SYN3: variants seen among roughly 807,000 people sequenced by gnomAD.
SYN3 encodes synapsin III.
A neutral mutation model predicts 65.8 loss-of-function variants in SYN3; 35 were observed. The ratio of observed to expected loss-of-function variants is 0.53; its 90% confidence interval spans 0.41 to 0.70. The LOEUF (loss-of-function observed/expected upper bound fraction) is 0.70, where lower values mean the gene tolerates loss of function less well. Among genes scored for constraint, SYN3 ranks in the 30% least tolerant of loss-of-function variants. The probability of loss-of-function intolerance (pLI) is 0.00; values close to 1 mark genes in which losing one functional copy is unlikely to be tolerated. For missense variants in SYN3, 680 were observed against 749.0 expected, an observed-to-expected ratio of 0.91 and a Z score of 1.08; for synonymous variants, 270 against 292.9, an observed-to-expected ratio of 0.92 and a Z score of 0.80.
At chr22:32,604,146 C>T (rs182269170) in intron 6 of SYN3, among the ~76,000 whole-genome samples, 1 of 152,314 alleles carries the variant, frequency 6.6e-6, no homozygotes, top group Admixed American at 6.5e-5. Context: ...GGCAACTCCT[C>T]CTATGTTCTT....
intron 6 of SYN3, among the ~76,000 whole-genome samples, chr22:32,737,089 G>A (rs1416068388): frequency 6.6e-6 from 1 of 152,170 alleles, no homozygotes; most frequent in Non-Finnish European, 1.5e-5. Flanking sequence ...GTTCAGTGAC[G>A]GTGTAGACCC....
chr22:33,006,805 T>G lies in SYN3; in HGVS notation c.-143A>C. The G allele has an allele frequency of 1.4e-6, 1 of 710,214 alleles. No individual in the cohort carries two copies. The highest frequency in any genetic ancestry group is 2.3e-6 in the Non-Finnish European group (1 of 443,806). The allele number at this position is 710,214 out of a possible 1,614,324, so 44.0% of individuals were successfully genotyped here. A position where few individuals can be genotyped will look rare whatever the true frequency, so the allele number is the denominator to read the frequency against. On this transcript the variant is annotated 5_prime_UTR_variant, in exon 2 of 14. Transcript: ENST00000358763. ...ATTTTGCGCAACCAGCAGTCAGCTT[T>G]AGCTGCCTTTATTTACCTGCTGGAA...
At chr22:32,829,855 C>A (rs1336749821) in intron 6 of SYN3, among the ~76,000 whole-genome samples, 1 of 152,246 alleles carries the variant, frequency 6.6e-6, no homozygotes, top group Admixed American at 6.5e-5. Context: ...AACTACACCC[C>A]ACCCTTGGGT....
intron 4 of SYN3, among the ~76,000 whole-genome samples, chr22:32,895,217 T>G (rs538087022): frequency 2.6e-5 from 4 of 152,298 alleles, no homozygotes; most frequent in South Asian, 4.1e-4. Flanking sequence ...TTAATAATTT[T>G]TATTAGCAGG....
At chr22:32,655,855 C>T (rs1307375034) in intron 6 of SYN3, among the ~76,000 whole-genome samples, 2 of 152,176 alleles carry the variant, frequency 1.3e-5, no homozygotes, top group Non-Finnish European at 2.9e-5. Context: ...AACCATCCCT[C>T]CCCATCCCTG....
chr22:32,794,195 T>A (rs769550649), intron 6 of SYN3, among the ~76,000 whole-genome samples: 9 of 152,350 alleles, frequency 5.9e-5, no homozygotes, highest in Admixed American at 2.0e-4. Context: ...ACCCTTCCTA[T>A]GATGCCCTCA....
intron 6 of SYN3, among the ~76,000 whole-genome samples, chr22:32,622,976 G>T (rs573386703): frequency 2.0e-5 from 3 of 152,104 alleles, no homozygotes; most frequent in Admixed American, 6.5e-5. Flanking sequence ...GTAGTTTAGG[G>T]GAGGGAGGGG....
intron 1 of SYN3, among the ~76,000 whole-genome samples, chr22:33,034,678 A>G (rs2053820434): frequency 6.6e-6 from 1 of 152,200 alleles, no homozygotes; most frequent in South Asian, 2.1e-4. Context: ...TACAAGCACC[A>G]TATCATCATT....
At chr22:32,999,412 C>T (rs2052991402) in intron 2 of SYN3, among the ~76,000 whole-genome samples, 2 of 152,134 alleles carry the variant, frequency 1.3e-5, no homozygotes, top group South Asian at 2.1e-4. Context: ...GGGCCAGTCA[C>T]GGTGGCTCAC....
chr22:32,802,220 CAGGAG>C, intron 6 of SYN3: 1 of 1,482,406 alleles, frequency 6.7e-7, no homozygotes, highest in Non-Finnish European at 9.0e-7. Flanking sequence ...TCCTCTGCCC[CAGGAG>C]AGGGGCAGAC....
At chr22:32,850,753 A>C (rs1287878343) in intron 6 of SYN3, among the ~76,000 whole-genome samples, 1 of 152,068 alleles carries the variant, frequency 6.6e-6, no homozygotes, top group Non-Finnish European at 1.5e-5. Flanking sequence ...TGCAAAAGTG[A>C]CTTGGTGAAT....
intron 6 of SYN3, among the ~76,000 whole-genome samples, chr22:32,695,217 T>A (rs1283373642): frequency 2.0e-5 from 3 of 152,234 alleles, no homozygotes; most frequent in Non-Finnish European, 4.4e-5. Context: ...TATTTCATTG[T>A]TTTTATTATT....
At chr22:32,548,237 C>A (rs1045823921) in intron 7 of SYN3, among the ~76,000 whole-genome samples, 2 of 152,160 alleles carry the variant, frequency 1.3e-5, no homozygotes, top group Non-Finnish European at 2.9e-5. Context: ...CTGTTCCGAG[C>A]CTGCATGGGG....
At chr22:32,979,303 A>T (rs1280737409) in intron 3 of SYN3, among the ~76,000 whole-genome samples, 2 of 152,194 alleles carry the variant, frequency 1.3e-5, no homozygotes, top group Non-Finnish European at 2.9e-5. Context: ...CGTTCTCCAC[A>T]TATTAGCTAG....
At chr22:32,796,685 T>C (rs550903620) in intron 6 of SYN3, among the ~76,000 whole-genome samples, 2 of 152,202 alleles carry the variant, frequency 1.3e-5, no homozygotes, top group Admixed American at 1.3e-4. Context: ...ATAATGACTT[T>C]CACATGGACG....
At chr22:32,557,576 G>A (rs915990335) in intron 7 of SYN3, among the ~76,000 whole-genome samples, 4 of 152,170 alleles carry the variant, frequency 2.6e-5, no homozygotes, top group Admixed American at 6.5e-5. Flanking sequence ...TGGCCATGAC[G>A]TATCCAGACA....
chr22:32,965,594 G>GT (rs2051809741), intron 3 of SYN3, among the ~76,000 whole-genome samples: 1 of 151,892 alleles, frequency 6.6e-6, no homozygotes, highest in African/African-American at 2.4e-5. Flanking sequence ...GTGTGTGTGC[G>GT]TAAGAGAGAG....
intron 6 of SYN3, among the ~76,000 whole-genome samples, chr22:32,676,985 T>C (rs930986789): frequency 1.1e-4 from 16 of 152,320 alleles, no homozygotes; most frequent in Admixed American, 8.5e-4. Context: ...GCTCAGAGGC[T>C]GGTGACAGAA....
intron 4 of SYN3, among the ~76,000 whole-genome samples, chr22:32,924,878 G>T (rs1168496990): frequency 1.3e-5 from 2 of 152,160 alleles, no homozygotes; most frequent in Non-Finnish European, 2.9e-5. Context: ...GATCGCTTGA[G>T]CTCAGGAGTT....
Sources: gnomAD v4.1 joint callset for allele counts (sites outside exome capture counted in the v4.1 genomes callset) on GRCh38, gnomAD v4.1.1 for gene constraint, MANE v1.5 for transcripts, NCBI Gene and HGNC (gene_info 2026-07-23, HGNC 2026-07-21) for gene names.